DOCK10: variants seen among roughly 807,000 people sequenced by gnomAD.
DOCK10 encodes the protein dedicator of cytokinesis 10, also known as dedicator of cytokinesis protein 10.
Under a neutral mutation model 280.1 loss-of-function variants are expected in DOCK10, and 145 were observed. The ratio of observed to expected loss-of-function variants is 0.52; its 90% CI spans 0.45 to 0.59. DOCK10 has a LOEUF of 0.59. Among genes scored for constraint, DOCK10 ranks in the 20% least tolerant of loss-of-function variants. DOCK10 has a pLI of 0.00. For missense variants in DOCK10, 2,368 were observed against 2,651.7 expected, an observed-to-expected ratio of 0.89 and a Z score of 2.35; for synonymous variants, 915 against 942.2, an observed-to-expected ratio of 0.97 and a Z score of 0.53.
chr2:224,939,795 T>C (rs1001452840), intron 1 of DOCK10, among the ~76,000 whole-genome samples: 1 of 152,240 alleles, frequency 6.6e-6, no homozygotes, highest in Non-Finnish European at 1.5e-5. Flanking sequence ...CATACAAATG[T>C]AAATAGTTTT....
At chr2:224,885,522 G>T in intron 7 of DOCK10, 149 bp downstream of exon 7, 1 of 726,878 alleles carries the variant, frequency 1.4e-6, no homozygotes, top group Non-Finnish European at 2.0e-6. Context: ...TAAGATTTGT[G>T]AAAGTAGAGA....
intron 1 of DOCK10, among the ~76,000 whole-genome samples, chr2:224,932,493 C>A (rs1702447403): frequency 6.6e-6 from 1 of 151,990 alleles, no homozygotes; most frequent in South Asian, 2.1e-4. Flanking sequence ...ACAACAAAAT[C>A]CAAAACAGAA....
Position 224,864,556 on chromosome 2 carries a change from G to T in DOCK10, c.1599C>A (p.Asn533Lys). ...TATTTATAAGATTATACATTACCTT[G>T]TTGGAGTCTGGGTTCTTAATATAAG... Reference protein sequence around the residue: ...AEPYIKNPDSNKYAQKILKSN... With the variant: ...AEPYIKNPDSKKYAQKILKSN... Residue 533 changes from asparagine (N) to lysine (K), a missense_variant, in exon 13 of 56, where the codon AAC (asparagine) becomes AAA (lysine). Transcript: ENST00000258390. 3 of 1,591,038 alleles carry T rather than the reference G, an allele frequency of 1.9e-6. No homozygotes were observed. The highest frequency in any genetic ancestry group is 1.2e-5 in the South Asian group (1 of 85,970).
intron 1 of DOCK10, among the ~76,000 whole-genome samples, chr2:225,016,877 A>T (rs1367910515): frequency 9.4e-6 from 1 of 106,028 alleles, no homozygotes; most frequent in Non-Finnish European, 2.3e-5. Context: ...TAATTTTTGA[A>T]TTTTTATTTT....
intron 1 of DOCK10, among the ~76,000 whole-genome samples, chr2:225,033,211 C>G (rs996217814): frequency 6.6e-6 from 1 of 151,124 alleles, no homozygotes; most frequent in Non-Finnish European, 1.5e-5. Context: ...TTGACAGAGT[C>G]TCACTCTGTC....
chr2:224,921,112 A>AAAAAAATATATATATATATATAT, intron 2 of DOCK10, among the ~76,000 whole-genome samples: 2 of 54,414 alleles, frequency 3.7e-5, no homozygotes, highest in Non-Finnish European at 5.9e-5. Flanking sequence ...AAAAAAAAAA[A>AAAAAAATATATATATATATATAT]ATATATATAT....
At chr2:224,948,486 A>G (rs1703551376) in intron 1 of DOCK10, among the ~76,000 whole-genome samples, 1 of 152,240 alleles carries the variant, frequency 6.6e-6, no homozygotes, top group Non-Finnish European at 1.5e-5. Flanking sequence ...ACGCTTTGAC[A>G]TCTGACAGAT....
chr2:224,921,283 T>C (rs1214168240), intron 2 of DOCK10, among the ~76,000 whole-genome samples: 1 of 150,420 alleles, frequency 6.6e-6, no homozygotes, highest in Non-Finnish European at 1.5e-5. Flanking sequence ...GCAATGTTGC[T>C]GGGCAACAAC....
chr2:225,024,951 G>A (rs1157577429), intron 1 of DOCK10, among the ~76,000 whole-genome samples: 3 of 152,160 alleles, frequency 2.0e-5, no homozygotes, highest in Admixed American at 1.3e-4. Context: ...GGTTACCACA[G>A]GGAAGGGATG....
intron 28 of DOCK10, 86 bp from the exon 29 acceptor site, chr2:224,819,615 T>A (rs1694374185): frequency 2.3e-6 from 2 of 852,958 alleles, no homozygotes; most frequent in Non-Finnish European, 3.6e-6. Flanking sequence ...TATATTGAAG[T>A]AAAATAACAC....
At chr2:224,979,653 T>C (rs551367096) in intron 1 of DOCK10, among the ~76,000 whole-genome samples, 2 of 152,382 alleles carry the variant, frequency 1.3e-5, no homozygotes, top group South Asian at 4.1e-4. Flanking sequence ...ATTTCCCTGC[T>C]GAAAGTGGCA....
chr2:225,021,295 T>A (rs1426765926), intron 1 of DOCK10, among the ~76,000 whole-genome samples: 1 of 152,180 alleles, frequency 6.6e-6, no homozygotes, highest in African/African-American at 2.4e-5. Context: ...GACGGTTGGT[T>A]AAACAGTGGG....
intron 30 of DOCK10, among the ~76,000 whole-genome samples, chr2:224,815,984 G>T (rs1198102329): frequency 1.3e-5 from 2 of 151,998 alleles, no homozygotes; most frequent in African/African-American, 4.8e-5. Flanking sequence ...AGCGAGCCAA[G>T]ATCATGCCAC....
At chr2:224,979,754 C>T (rs368577387) in intron 1 of DOCK10, among the ~76,000 whole-genome samples, 29 of 152,290 alleles carry the variant, frequency 1.9e-4, no homozygotes, top group African/African-American at 7.0e-4. Context: ...AACGTCTTAC[C>T]GTTACATCCC....
At chr2:224,904,296 A>C (rs1575029369) in intron 3 of DOCK10, among the ~76,000 whole-genome samples, 1 of 123,474 alleles carries the variant, frequency 8.1e-6, no homozygotes, top group South Asian at 2.2e-4. Flanking sequence ...TCATTAGTGA[A>C]TGAAGAGCCT....
At chr2:224,888,039 T>C (rs1298694251) in intron 4 of DOCK10, among the ~76,000 whole-genome samples, 4 of 152,170 alleles carry the variant, frequency 2.6e-5, no homozygotes. Context: ...AACTAGCATA[T>C]GACCCAGCAA....
At chr2:225,007,057 C>T (rs548988097) in intron 1 of DOCK10, among the ~76,000 whole-genome samples, 41 of 152,326 alleles carry the variant, frequency 2.7e-4, no homozygotes, top group African/African-American at 9.9e-4. Context: ...AATCCATCAT[C>T]TTGCTTTCTG....
intron 1 of DOCK10, among the ~76,000 whole-genome samples, chr2:224,968,681 A>G (rs1704909347): frequency 6.6e-6 from 1 of 152,250 alleles, no homozygotes; most frequent in Non-Finnish European, 1.5e-5. Context: ...CTAACTGACT[A>G]AGATACTAGA....
intron 1 of DOCK10, among the ~76,000 whole-genome samples, chr2:224,935,657 A>G (rs961276508): frequency 6.6e-6 from 1 of 152,144 alleles, no homozygotes; most frequent in Non-Finnish European, 1.5e-5. Flanking sequence ...ATGAGATAAT[A>G]CTTTTTAAAC....
Sources: gnomAD v4.1 joint callset for allele counts (sites outside exome capture counted in the v4.1 genomes callset) on GRCh38, gnomAD v4.1.1 for gene constraint, MANE v1.5 for transcripts, NCBI Gene and HGNC (gene_info 2026-07-23, HGNC 2026-07-21) for gene names.